GPM6A: variants seen among roughly 807,000 people sequenced by gnomAD.
GPM6A encodes the protein glycoprotein M6A.
Under a neutral mutation model 32.1 loss-of-function variants are expected in GPM6A, and 7 were observed. That is an observed-to-expected ratio of 0.22 (90% CI 0.12 to 0.41). The LOEUF is 0.41. Among genes scored for constraint, GPM6A ranks in the 10% least tolerant of loss-of-function variants. The probability of loss-of-function intolerance (pLI) is 1.00; values close to 1 mark genes in which losing one functional copy is unlikely to be tolerated. For synonymous variants in GPM6A, 130 were observed against 123.4 expected (o/e 1.05, Z -0.35); for missense variants, 235 against 347.2 (o/e 0.68, Z 2.57).
Position 175,651,932 on chromosome 4 carries a change from G to A in GPM6A, c.443C>T (p.Thr148Ile). ...GAAGTACATGTAAACTGGCAGTGAG[G>A]TGAAAGCCGTGACTCCCAGCCAGGC... ...MLAWLGVTAF[T>I]SLPVYMYFNL... Residue 148 changes from threonine to isoleucine, a missense_variant, in exon 4 of 7, where the codon ACC becomes ATC. Transcript: ENST00000393658. The A allele has an allele frequency of 6.2e-7, 1 of 1,612,510 alleles. No individual in the cohort carries two copies. The highest frequency in any genetic ancestry group is 8.5e-7 in the Non-Finnish European group (1 of 1,178,886).
intron 1 of GPM6A, among the ~76,000 whole-genome samples, chr4:175,942,591 G>C (rs186535109): frequency 2.0e-5 from 3 of 151,892 alleles, no homozygotes; most frequent in African/African-American, 4.8e-5. Context: ...AGTTTTCTGC[G>C]TATGGCTAGC....
intron 1 of GPM6A, among the ~76,000 whole-genome samples, chr4:175,852,012 G>A (rs55927914): frequency 0.016 from 2,382 of 152,202 alleles, 60 homozygotes; most frequent in South Asian, 0.064. Flanking sequence ...ATCAGTCAGA[G>A]CAGGAATTCA....
At chr4:175,830,593 T>A (rs1470458784) in intron 1 of GPM6A, among the ~76,000 whole-genome samples, 1 of 152,176 alleles carries the variant, frequency 6.6e-6, no homozygotes, top group African/African-American at 2.4e-5. Context: ...TTTACCAAGA[T>A]CATATCACTC....
At chr4:175,893,118 G>C (rs1432397029) in intron 1 of GPM6A, among the ~76,000 whole-genome samples, 1 of 152,180 alleles carries the variant, frequency 6.6e-6, no homozygotes, top group African/African-American at 2.4e-5. Context: ...CCATGGATAA[G>C]ACAGGCATTG....
chr4:175,896,758 A>G (rs1210990857), intron 1 of GPM6A, among the ~76,000 whole-genome samples: 1 of 152,100 alleles, frequency 6.6e-6, no homozygotes, highest in East Asian at 1.9e-4. Context: ...AATACATAAA[A>G]TAATATCTTA....
At chr4:175,728,619 C>G (rs1731281435) in intron 1 of GPM6A, among the ~76,000 whole-genome samples, 1 of 152,032 alleles carries the variant, frequency 6.6e-6, no homozygotes, top group South Asian at 2.1e-4. Flanking sequence ...TCTATTTTTT[C>G]CATGCTCATA....
intron 1 of GPM6A, among the ~76,000 whole-genome samples, chr4:175,715,774 T>C (rs775040848): frequency 3.3e-5 from 5 of 152,052 alleles, no homozygotes; most frequent in Non-Finnish European, 7.4e-5. Flanking sequence ...GGTCAAGAAT[T>C]TGTATTTTCT....
chr4:175,771,143 C>T lies in GPM6A; in HGVS notation c.37+41048G>A, dbSNP rs183677459. Among the ~76,000 whole-genome samples, 413 of 141,220 alleles carry T rather than the reference C, an allele frequency of 2.9e-3. 1 individual carries two copies. Among genetic ancestry groups the T allele is most frequent in the Non-Finnish European group, 4.6e-3 (305 of 66,888 alleles). The allele number at this position is 141,220 out of a possible 152,430, so 92.6% of individuals were successfully genotyped here. A position where few individuals can be genotyped will look rare whatever the true frequency, so the allele number is the denominator to read the frequency against. ...CTTCATTATGGCCACAGTGTCCTAG[C>T]TCCTGCTTCCTTGTTTTTTTGCCCA... On this transcript the variant is annotated intron_variant, in intron 1 of 6. Transcript: ENST00000393658.
intron 1 of GPM6A, among the ~76,000 whole-genome samples, chr4:175,897,269 G>T (rs923167907): frequency 6.6e-6 from 1 of 152,038 alleles, no homozygotes; most frequent in African/African-American, 2.4e-5. Context: ...AGCCTCAGAG[G>T]AGCTGCATTT....
chr4:175,969,178 C>T (rs1030535930), intron 1 of GPM6A, among the ~76,000 whole-genome samples: 7 of 152,148 alleles, frequency 4.6e-5, no homozygotes, highest in African/African-American at 1.7e-4. Context: ...TACTATATGA[C>T]TGCAACTATA....
chr4:175,856,462 G>A (rs946575044), intron 1 of GPM6A, among the ~76,000 whole-genome samples: 1 of 152,216 alleles, frequency 6.6e-6, no homozygotes, highest in Non-Finnish European at 1.5e-5. Context: ...TCTAGGGGTT[G>A]CCCACGACCT....
At chr4:175,794,120 A>G (rs1734118541) in intron 1 of GPM6A, among the ~76,000 whole-genome samples, 1 of 152,214 alleles carries the variant, frequency 6.6e-6, no homozygotes, top group Non-Finnish European at 1.5e-5. Context: ...CTAAGAAGCA[A>G]CTTCACCACT....
rs1265681488 is a variant in GPM6A at position 175,652,095 on chromosome 4, A to T, written c.388-108T>A. 5 of 705,514 alleles carry T rather than the reference A, an allele frequency of 7.1e-6. No individual in the cohort carries two copies. The South Asian group carries it at 9.9e-5, about 14-fold the overall frequency. 43.7% of individuals were successfully genotyped at this position (705,514 alleles called of 1,614,324 possible). A position where few individuals can be genotyped will look rare whatever the true frequency, so the allele number is the denominator to read the frequency against. Reference sequence around the variant, plus strand: ...ATAGGAAGTTTATGGGATACAGTACATAAGTCAGTATCACAACACTGTTGA... The same window carrying T: ...ATAGGAAGTTTATGGGATACAGTACTTAAGTCAGTATCACAACACTGTTGA... On this transcript the variant is annotated intron_variant, in intron 3 of 6. Transcript: ENST00000393658.
intron 1 of GPM6A, among the ~76,000 whole-genome samples, chr4:175,802,891 C>A (rs1579518753): frequency 6.6e-6 from 1 of 152,020 alleles, no homozygotes; most frequent in East Asian, 1.9e-4. Flanking sequence ...AAAATCTATT[C>A]ATTTTCAAGA....
intron 1 of GPM6A, among the ~76,000 whole-genome samples, chr4:175,887,518 A>T (rs934804087): frequency 9.2e-5 from 14 of 152,010 alleles, no homozygotes; most frequent in Non-Finnish European, 1.8e-4. Context: ...ACAAGGAAAA[A>T]CACTGATCAC....
At chr4:175,646,931 A>G (rs1301574000) in intron 4 of GPM6A, among the ~76,000 whole-genome samples, 1 of 152,192 alleles carries the variant, frequency 6.6e-6, no homozygotes, top group Non-Finnish European at 1.5e-5. Flanking sequence ...CTGATCTCCC[A>G]TCCACCTCGG....
chr4:175,918,343 T>A (rs749232602), intron 1 of GPM6A, among the ~76,000 whole-genome samples: 5 of 152,142 alleles, frequency 3.3e-5, no homozygotes, highest in African/African-American at 4.8e-5. Flanking sequence ...GGGCAGCAGC[T>A]GTTGAGTTAC....
intron 1 of GPM6A, among the ~76,000 whole-genome samples, chr4:175,920,034 G>A (rs1303877657): frequency 6.6e-6 from 1 of 152,326 alleles, no homozygotes; most frequent in South Asian, 2.1e-4. Context: ...GCCATCTTTG[G>A]TCATAAAAGG....
At chr4:175,659,953 G>T (rs1031976390) in intron 3 of GPM6A, among the ~76,000 whole-genome samples, 1 of 152,026 alleles carries the variant, frequency 6.6e-6, no homozygotes, top group Non-Finnish European at 1.5e-5. Flanking sequence ...ATAAAAATAT[G>T]ACAAATAAAA....
Sources: allele counts gnomAD v4.1 joint callset (sites outside exome capture counted in the v4.1 genomes callset), GRCh38; gene constraint gnomAD v4.1.1; transcripts MANE v1.5; gene names NCBI Gene and HGNC (gene_info 2026-07-23, HGNC 2026-07-21).